Variants in CMPK2 observed in about 807,000 individuals in gnomAD.
The protein encoded by CMPK2 is UMP-CMP kinase 2, mitochondrial.
In CMPK2, 32 loss-of-function variants were observed where a neutral mutation model predicts 33.4. The observed-to-expected ratio is 0.96, with a 90% CI of 0.72 to 1.29. The LOEUF is 1.29. Among genes scored for constraint, CMPK2 ranks in the 50% most tolerant of loss-of-function variants. The probability of loss-of-function intolerance (pLI) is 0.00; values close to 1 mark genes in which losing one functional copy is unlikely to be tolerated. For missense variants in CMPK2, 672 were observed against 616.0 expected, an observed-to-expected ratio of 1.09 and a Z score of -0.96; for synonymous variants, 299 against 275.3, an observed-to-expected ratio of 1.09 and a Z score of -0.85.
At position 6,865,358 on chromosome 2, in the gene CMPK2, G is replaced by C. The variant is rs757911778; in HGVS notation, c.339C>G (p.Leu113=). Residue 113 remains leucine, a synonymous_variant, in exon 1 of 5, where the codon CTC becomes CTG. Transcript: ENST00000256722. ...RRGPFQRCQL[L]RLLCYCPGGQ... is the part of the protein sequence containing the mutation. ...CGCCCGGGCAGTAGCAGAGCAGCCT[G>C]AGCAGCTGGCACCGCTGGAAGGGGC... is the stretch of plus-strand genomic sequence containing the variant. 3.3e-5 allele frequency: 48 copies of C among 1,437,096 alleles called. No homozygotes were observed. In the South Asian group the frequency reaches 5.1e-4, roughly 15 times the overall value. The allele number at this position is 1,437,096 out of a possible 1,614,324, so 89.0% of individuals were successfully genotyped here.
At chr2:6,845,794 T>G (rs1234979508), downstream of CMPK2, among the ~76,000 whole-genome samples, 1 of 152,224 alleles carries the variant, frequency 6.6e-6, no homozygotes, top group Non-Finnish European at 1.5e-5. Flanking sequence ...ACTGATTAAC[T>G]TCCAAACATA....
chr2:6,865,289 G>T lies in CMPK2; in HGVS notation c.408C>A (p.Pro136=). 1 of 1,530,212 alleles carries T rather than the reference G, an allele frequency of 6.5e-7. No individual in the cohort carries two copies. Among genetic ancestry groups the T allele is most frequent in the South Asian group, 1.2e-5 (1 of 83,918 alleles). The allele number at this position is 1,530,212 out of a possible 1,614,324, so 94.8% of individuals were successfully genotyped here. The change falls in exon 1 of 5, where the codon CCC becomes CCA. Residue 136 remains proline, a synonymous_variant. Coordinates refer to ENST00000256722, the MANE Select transcript of CMPK2 (RefSeq NM_207315.4). The part of the protein sequence containing the change: ...GAQQGFLLRD[P]LDDPDTRQAL... ...CTTGCCGGGTGTCAGGGTCATCCAG[G>T]GGGTCGCGCAGCAGGAAGCCTTGCT...
chr2:6,851,681 T>C lies in CMPK2; in HGVS notation c.995A>G (p.Tyr332Cys), dbSNP rs889492848. 10 of 1,613,820 alleles carry C rather than the reference T, an allele frequency of 6.2e-6. No individual in the cohort carries two copies. The highest frequency in any genetic ancestry group is 7.6e-6 in the Non-Finnish European group (9 of 1,179,872). Residue 332 changes from tyrosine to cysteine, a missense_variant and splice_region_variant, in exon 4 of 5, where the codon TAC becomes TGC. Tyr to Cys is a radical substitution (Grantham distance 194). Coordinates refer to ENST00000256722, the MANE Select transcript of CMPK2 (RefSeq NM_207315.4). ...GGCATAGGTGGCCGTGCTGTGCCAG[T>C]ACCTGAGAAGGAATGGGGTAGTGAG... ...SAKSPVIVDR[Y>C]WHSTATYAIA...
chr2:6,848,282 TC>T, downstream of CMPK2: 1 of 905,192 alleles, frequency 1.1e-6, no homozygotes. Context: ...AAAGCACTTT[TC>T]AGACAAATCA....
chr2:6,860,995 G>A (rs1169692108), intron 3 of CMPK2, among the ~76,000 whole-genome samples, 189 bp downstream of exon 3: 2 of 151,810 alleles, frequency 1.3e-5, no homozygotes, highest in African/African-American at 2.4e-5. Context: ...GCCGTGCCTG[G>A]TATAGGTAAT....
intron 3 of CMPK2, among the ~76,000 whole-genome samples, chr2:6,859,003 C>T (rs1222372990): frequency 6.6e-6 from 1 of 152,170 alleles, no homozygotes; most frequent in East Asian, 1.9e-4. Flanking sequence ...CAATGAAATC[C>T]AGGCTGAGGT....
intron 3 of CMPK2, among the ~76,000 whole-genome samples, chr2:6,852,285 C>T (rs1482424516): frequency 6.6e-6 from 1 of 152,224 alleles, no homozygotes; most frequent in African/African-American, 2.4e-5. Flanking sequence ...CTTCTGCTGG[C>T]TGTTTTAAAA....
chr2:6,857,322 G>A (rs1016765668), intron 3 of CMPK2, among the ~76,000 whole-genome samples: 15 of 143,272 alleles, frequency 1.0e-4, no homozygotes, highest in East Asian at 6.1e-4. Context: ...TTGTTTTATT[G>A]TTTTTGGGAT....
intron 1 of CMPK2, among the ~76,000 whole-genome samples, chr2:6,864,133 T>C (rs777745348): frequency 6.6e-6 from 1 of 152,194 alleles, no homozygotes; most frequent in Non-Finnish European, 1.5e-5. Context: ...CAGACACTTA[T>C]GTGCTTGCTC....
intron 3 of CMPK2, among the ~76,000 whole-genome samples, chr2:6,842,593 G>A (rs907351116): frequency 6.6e-6 from 1 of 152,206 alleles, no homozygotes; most frequent in Non-Finnish European, 1.5e-5. Context: ...TTTCTGAGAT[G>A]TGCAGATTAA....
At chr2:6,844,591 T>C (rs185055014), downstream of CMPK2, among the ~76,000 whole-genome samples, 24 of 152,350 alleles carry the variant, frequency 1.6e-4, no homozygotes, top group Non-Finnish European at 2.4e-4. Flanking sequence ...TATGGGATCA[T>C]TGGCATTCCA....
intron 3 of CMPK2, among the ~76,000 whole-genome samples, chr2:6,852,569 C>A (rs184113319): frequency 3.2e-4 from 49 of 152,286 alleles, no homozygotes; most frequent in South Asian, 1.7e-3. Context: ...ACCCTTTCTA[C>A]GTGACTCTAC....
intron 4 of CMPK2, among the ~76,000 whole-genome samples, 194 bp from the exon 5 acceptor site, chr2:6,850,167 T>C (rs1270044628): frequency 6.6e-6 from 1 of 152,250 alleles, no homozygotes; most frequent in Non-Finnish European, 1.5e-5. Flanking sequence ...TAATGTTTAA[T>C]AGCTAGCACT....
chr2:6,865,395 T>TGGTGCAGCA lies in CMPK2; in HGVS notation c.293_301dup (p.Leu98_His100dup). 2.9e-6 allele frequency: 4 copies of TGGTGCAGCA among 1,365,618 alleles called. No homozygotes were observed. The highest frequency in any genetic ancestry group is 3.7e-6 in the Non-Finnish European group (4 of 1,068,692). 84.6% of individuals were successfully genotyped at this position (1,365,618 alleles called of 1,614,324 possible). On this transcript the variant is annotated inframe_insertion, in exon 1 of 5. Transcript: ENST00000256722. ...CCGCTGGAAGGGGCCGCGGCGCAGC[T>TGGTGCAGCA]GGTGCAGCAGGCGCTGGTGCAGCCG...
At chr2:6,863,197 C>T (rs1010313740) in intron 2 of CMPK2, among the ~76,000 whole-genome samples, 17 of 152,120 alleles carry the variant, frequency 1.1e-4, no homozygotes, top group Admixed American at 1.3e-4. Flanking sequence ...CCATGCACTC[C>T]ACCCGACAAA....
chr2:6,853,475 T>C (rs1462555087), intron 3 of CMPK2, among the ~76,000 whole-genome samples: 1 of 152,162 alleles, frequency 6.6e-6, no homozygotes, highest in Non-Finnish European at 1.5e-5. Flanking sequence ...GCAAGGTTTG[T>C]TTTCCTTCCA....
chr2:6,860,281 G>T (rs1163230570), intron 3 of CMPK2, among the ~76,000 whole-genome samples: 1 of 152,222 alleles, frequency 6.6e-6, no homozygotes, highest in African/African-American at 2.4e-5. Flanking sequence ...ATGCTGAAAT[G>T]AGTTAAGAGT....
intron 3 of CMPK2, among the ~76,000 whole-genome samples, chr2:6,842,788 AC>A (rs1662264816): frequency 6.6e-6 from 1 of 151,852 alleles, no homozygotes; most frequent in Non-Finnish European, 1.5e-5. Context: ...TCTGCAAAAA[AC>A]CCCAAAATCC....
At chr2:6,851,377 A>G in intron 4 of CMPK2, 73 bp downstream of exon 4, 1 of 1,600,982 alleles carries the variant, frequency 6.2e-7, no homozygotes, top group Non-Finnish European at 8.5e-7. Flanking sequence ...TCACAATCCT[A>G]AAGCCAGTGC....
Sources: allele counts gnomAD v4.1 joint callset (sites outside exome capture counted in the v4.1 genomes callset), GRCh38; gene constraint gnomAD v4.1.1; transcripts MANE v1.5; gene names NCBI Gene and HGNC (gene_info 2026-07-23, HGNC 2026-07-21).